The following GALNT18 variants were observed in gnomAD, a reference collection of about 807,000 sequenced individuals.
GALNT18 encodes GalNAc-transferase 18.
Under a neutral mutation model 69.5 loss-of-function variants are expected in GALNT18, and 44 were observed. The ratio of observed to expected loss-of-function variants is 0.63; its 90% CI spans 0.50 to 0.81. GALNT18 has a LOEUF of 0.81. GALNT18 is among the 40% of genes least tolerant of loss of function. GALNT18 has a pLI of 0.00. For missense variants in GALNT18, 715 were observed against 810.0 expected (o/e 0.88, Z 1.42); for synonymous variants, 364 against 318.2 (o/e 1.14, Z -1.53).
chr11:11,280,244 C>T (rs1313443121), intron 10 of GALNT18, among the ~76,000 whole-genome samples: 1 of 152,178 alleles, frequency 6.6e-6, no homozygotes, highest in African/African-American at 2.4e-5. Context: ...CACTGTTTGC[C>T]AGGGAGAAAC....
In GALNT18 at chr11:11,619,288, G is replaced by A. The variant is rs77091528; in HGVS notation, c.235+2071C>T. On this transcript the variant is annotated intron_variant, in intron 1 of 10. Transcript: ENST00000227756. This position sits in a 1 kb window ranked among gnomAD's most constrained non-coding sequence, Gnocchi z 4.9. ...TACAAGTGGAACAACACGTGTTTTA[G>A]GGACCCTGTCTCCTATTTTTTTAAC... Among the ~76,000 whole-genome samples, 1,046 of 152,262 alleles carry A rather than the reference G, an allele frequency of 6.9e-3. 12 individuals are homozygous for A. Among genetic ancestry groups the A allele is most frequent in the African/African-American group, 0.024 (1,004 of 41,528 alleles).
intron 10 of GALNT18, among the ~76,000 whole-genome samples, chr11:11,278,997 G>A (rs1849009281): frequency 6.6e-6 from 1 of 152,184 alleles, no homozygotes; most frequent in Admixed American, 6.5e-5. Flanking sequence ...ACCCATTGAT[G>A]TAGTCTGGAT....
chr11:11,377,349 C>T lies in GALNT18; in HGVS notation c.810G>A (p.Glu270=), dbSNP rs373136641. 1.9e-5 allele frequency: 31 copies of T among 1,613,810 alleles called. No individual in the cohort carries two copies. The highest frequency in any genetic ancestry group is 2.5e-5 in the Non-Finnish European group (29 of 1,179,996). Reference sequence around the variant, plus strand: ...ATGGCGAGATGATCCGCTTCCGGTTCTCCTTGATGCGGGTGAGTACAGGTT... The same window carrying T: ...ATGGCGAGATGATCCGCTTCCGGTTTTCCTTGATGCGGGTGAGTACAGGTT... ...WAEPVLTRIK[E]NRKRIISPSF... Residue 270 remains glutamate (E), a synonymous_variant, in exon 5 of 11, where the codon GAG becomes GAA. Coordinates refer to ENST00000227756, the MANE Select transcript of GALNT18 (RefSeq NM_198516.3). This position sits in a 1 kb window ranked among gnomAD's most constrained non-coding sequence, Gnocchi z 4.6.
At chr11:11,284,261 T>C (rs192468644) in intron 10 of GALNT18, among the ~76,000 whole-genome samples, 21 of 152,336 alleles carry the variant, frequency 1.4e-4, no homozygotes, top group Non-Finnish European at 2.1e-4. Flanking sequence ...CCCAAGTGTG[T>C]CTGTGGTGCC....
At chr11:11,512,159 C>T (rs569960376) in intron 1 of GALNT18, among the ~76,000 whole-genome samples, 9 of 152,122 alleles carry the variant, frequency 5.9e-5, no homozygotes, top group Non-Finnish European at 1.0e-4. Flanking sequence ...CCAATTTTTC[C>T]ATCTGAAACC....
Position 11,377,956 on chromosome 11 carries a change from AGACCCTTGAAGGCACCAGGCGAGT to A in GALNT18, c.780-601_780-578del, listed in dbSNP as rs1299109169. 6.6e-6 allele frequency among the ~76,000 whole-genome samples: 1 copy of A among 152,208 alleles called. No individual in the cohort carries two copies. Among genetic ancestry groups the A allele is most frequent in the Non-Finnish European group, 1.5e-5 (1 of 68,026 alleles). On this transcript the variant is annotated intron_variant, in intron 4 of 10. Transcript: ENST00000227756. This position sits in a 1 kb window ranked among gnomAD's most constrained non-coding sequence, Gnocchi z 4.6. ...ATTTGGGCTTTCCCAGGGAGCTGGG[AGACCCTTGAAGGCACCAGGCGAGT>A]AAAGTGTTTGCAGGCAGGAATAAGC...
Position 11,320,064 on chromosome 11 carries a change from G to A in GALNT18, c.1512+7022C>T, listed in dbSNP as rs931655144. On this transcript the variant is annotated intron_variant, in intron 9 of 10. Transcript: ENST00000227756. The surrounding 1 kb of genome is among the most constrained non-coding windows in gnomAD (Gnocchi z 4.9). ...CAACCACCAGCCAATTTCATTACAGGCAATAAAATTGAGGCATGAGGAGAC... is the reference window on the plus strand; with the variant it reads ...CAACCACCAGCCAATTTCATTACAGACAATAAAATTGAGGCATGAGGAGAC... 1.3e-5 allele frequency among the ~76,000 whole-genome samples: 2 copies of A among 152,124 alleles called. No individual in the cohort carries two copies. Among genetic ancestry groups the A allele is most frequent in the Admixed American group, 1.3e-4 (2 of 15,274 alleles).
intron 9 of GALNT18, among the ~76,000 whole-genome samples, chr11:11,301,890 T>C (rs1364265065): frequency 6.6e-6 from 1 of 152,168 alleles, no homozygotes; most frequent in Non-Finnish European, 1.5e-5. Flanking sequence ...ATGGCCAGGC[T>C]TATAACAGAT....
At position 11,543,129 on chromosome 11, in the gene GALNT18, G is replaced by A. The variant is rs559727143; in HGVS notation, c.235+78230C>T. Among the ~76,000 whole-genome samples the A allele has an allele frequency of 6.6e-6, 1 of 152,184 alleles. No homozygotes were observed. The highest frequency in any genetic ancestry group is 1.5e-5 in the Non-Finnish European group (1 of 68,036). The stretch of plus-strand genomic sequence containing the variant: ...TGTTAGTTACTATTATTAAGAAGCC[G>A]ATGCCTTCTCTGGTCTTTCTACCTC... On this transcript the variant is annotated intron_variant, in intron 1 of 10. Coordinates refer to ENST00000227756, the MANE Select transcript of GALNT18 (RefSeq NM_198516.3). The surrounding 1 kb of genome is among the most constrained non-coding windows in gnomAD (Gnocchi z 5.1).
intron 6 of GALNT18, among the ~76,000 whole-genome samples, chr11:11,364,476 T>C (rs1850714602): frequency 1.3e-5 from 2 of 152,062 alleles, no homozygotes; most frequent in African/African-American, 4.8e-5. Flanking sequence ...ATCAGGGGAA[T>C]GTAATCAAGA....
intron 9 of GALNT18, among the ~76,000 whole-genome samples, chr11:11,319,284 C>A (rs1310950233): frequency 6.6e-6 from 1 of 152,172 alleles, no homozygotes; most frequent in Non-Finnish European, 1.5e-5. Flanking sequence ...AAATGTTGCC[C>A]CATATGCAAT....
Position 11,497,631 on chromosome 11 carries a change from T to C in GALNT18, c.236-48695A>G, listed in dbSNP as rs1856893672. On this transcript the variant is annotated intron_variant, in intron 1 of 10. Coordinates refer to ENST00000227756, the MANE Select transcript of GALNT18 (RefSeq NM_198516.3). The surrounding 1 kb of genome is among the most constrained non-coding windows in gnomAD (Gnocchi z 4.2). The stretch of plus-strand genomic sequence containing the variant: ...CAAATAAGCACCAAACACACAGTAT[T>C]TCCAGTAACAACTCTCTTATCTAAC... Among the ~76,000 whole-genome samples the C allele has an allele frequency of 6.6e-6, 1 of 152,108 alleles. No individual in the cohort carries two copies. Among genetic ancestry groups the C allele is most frequent in the South Asian group, 2.1e-4 (1 of 4,826 alleles).
intron 1 of GALNT18, among the ~76,000 whole-genome samples, chr11:11,491,839 C>G (rs1331937145): frequency 6.6e-6 from 1 of 152,074 alleles, no homozygotes; most frequent in African/African-American, 2.4e-5. Context: ...CCAGTCACTC[C>G]CCTCCAGAAG....
rs114980041 is a variant in GALNT18 at position 11,583,673 on chromosome 11, C to A, written c.235+37686G>T. Among the ~76,000 whole-genome samples the A allele has an allele frequency of 0.014, 2,170 of 152,266 alleles. 55 individuals carry two copies. The highest frequency in any genetic ancestry group is 0.05 in the African/African-American group (2,069 of 41,546). ...CTTCAAATGCCGACATTTTGAAGAACACACACCAAGATATTTCCAAAGCCC... is the reference window on the plus strand; with the variant it reads ...CTTCAAATGCCGACATTTTGAAGAAAACACACCAAGATATTTCCAAAGCCC... On this transcript the variant is annotated intron_variant, in intron 1 of 10. Coordinates refer to ENST00000227756, the MANE Select transcript of GALNT18 (RefSeq NM_198516.3). The surrounding 1 kb of genome is among the most constrained non-coding windows in gnomAD (Gnocchi z 4.7).
intron 1 of GALNT18, among the ~76,000 whole-genome samples, chr11:11,539,415 G>T (rs926153914): frequency 1.3e-5 from 2 of 152,200 alleles, no homozygotes; most frequent in African/African-American, 4.8e-5. Context: ...GAGTGAGCAG[G>T]TCGCTTTCCT....
At chr11:11,526,551 A>C (rs1214092160) in intron 1 of GALNT18, among the ~76,000 whole-genome samples, 1 of 152,162 alleles carries the variant, frequency 6.6e-6, no homozygotes, top group Non-Finnish European at 1.5e-5. Context: ...TGTATTTGTC[A>C]GGGGAGAGCT....
At position 11,315,429 on chromosome 11, in the gene GALNT18, A is replaced by G. The variant is rs1849735797; in HGVS notation, c.1512+11657T>C. On this transcript the variant is annotated intron_variant, in intron 9 of 10. Coordinates refer to ENST00000227756, the MANE Select transcript of GALNT18 (RefSeq NM_198516.3). This position sits in a 1 kb window ranked among gnomAD's most constrained non-coding sequence, Gnocchi z 5.6. ...CCTGAGCTCTGGAACACAGGCAAGG[A>G]TACGTTAGGCATGGGTCTTCATGGA... Among the ~76,000 whole-genome samples, 1 of 152,168 alleles carries G rather than the reference A, an allele frequency of 6.6e-6. No homozygotes were observed. Among genetic ancestry groups the G allele is most frequent in the Admixed American group, 6.5e-5 (1 of 15,276 alleles).
chr11:11,322,035 G>A (rs1849849081), intron 9 of GALNT18, among the ~76,000 whole-genome samples: 1 of 152,204 alleles, frequency 6.6e-6, no homozygotes, highest in Admixed American at 6.5e-5. Flanking sequence ...GGGTTAAAGT[G>A]GAGTAATAAT....
intron 1 of GALNT18, among the ~76,000 whole-genome samples, chr11:11,608,232 G>A (rs1003084316): frequency 6.6e-6 from 1 of 152,166 alleles, no homozygotes; most frequent in Non-Finnish European, 1.5e-5. Context: ...ATTCCTGACC[G>A]TATTTTCTAT....
Sources: allele counts gnomAD v4.1 joint callset (sites outside exome capture counted in the v4.1 genomes callset), GRCh38; gene constraint gnomAD v4.1.1; non-coding constraint Gnocchi (gnomAD v3.1); transcripts MANE v1.5; gene names NCBI Gene and HGNC (gene_info 2026-07-23, HGNC 2026-07-21).